Variants in CACNA2D1 observed in about 807,000 individuals in gnomAD.
The protein encoded by CACNA2D1 is calcium voltage-gated channel auxiliary subunit alpha2delta 1, also known as voltage-dependent calcium channel subunit alpha-2/delta-1.
A neutral mutation model predicts 171.5 loss-of-function variants in CACNA2D1; 53 were observed. That is an observed-to-expected ratio of 0.31 (90% CI 0.25 to 0.39). The LOEUF (loss-of-function observed/expected upper bound fraction) is 0.39, where lower values mean the gene tolerates loss of function less well. CACNA2D1 is among the 10% of genes least tolerant of loss of function. CACNA2D1 has a pLI of 1.00. For synonymous variants in CACNA2D1, 442 were observed against 443.1 expected (o/e 1.00, Z 0.03); for missense variants, 903 against 1,299.8 (o/e 0.69, Z 4.69).
intron 3 of CACNA2D1, among the ~76,000 whole-genome samples, chr7:82,298,500 T>C (rs1041304272): frequency 4.6e-5 from 7 of 152,184 alleles, no homozygotes; most frequent in Admixed American, 2.6e-4. Flanking sequence ...TGAATAAGTT[T>C]CCTTTCTTTA....
chr7:82,269,829 C>T (rs1281856610), intron 3 of CACNA2D1, among the ~76,000 whole-genome samples: 1 of 152,044 alleles, frequency 6.6e-6, no homozygotes, highest in Non-Finnish European at 1.5e-5. Flanking sequence ...TTTTCAAGCT[C>T]CAATTCACTT....
chr7:82,309,323 T>C (rs1201250612), intron 3 of CACNA2D1, among the ~76,000 whole-genome samples: 1 of 152,102 alleles, frequency 6.6e-6, no homozygotes, highest in Non-Finnish European at 1.5e-5. Flanking sequence ...GGAGAATTTC[T>C]TGAACCTGGG....
chr7:82,025,469 A>C (rs746793828), intron 12 of CACNA2D1, among the ~76,000 whole-genome samples: 1 of 151,730 alleles, frequency 6.6e-6, no homozygotes, highest in Non-Finnish European at 1.5e-5. Context: ...GTTAGAGTAT[A>C]GAAACACAAC....
At chr7:81,957,054 G>C (rs1006972280) in intron 38 of CACNA2D1, among the ~76,000 whole-genome samples, 1 of 152,040 alleles carries the variant, frequency 6.6e-6, no homozygotes, top group African/African-American at 2.4e-5. Context: ...AGTTATTTAA[G>C]TCAGATTTAT....
chr7:82,354,228 CA>C, intron 1 of CACNA2D1, among the ~76,000 whole-genome samples: 1 of 152,294 alleles, frequency 6.6e-6, no homozygotes, highest in Non-Finnish European at 1.5e-5. Flanking sequence ...TCCTGTGTCA[CA>C]TAAAATTTAA....
Position 82,036,670 on chromosome 7 carries a change from C to T in CACNA2D1, c.1038+1407G>A, listed in dbSNP as rs75673346. On this transcript the variant is annotated intron_variant, in intron 11 of 38. Coordinates refer to ENST00000356860, the MANE Select transcript of CACNA2D1 (RefSeq NM_000722.4). The stretch of plus-strand genomic sequence containing the variant: ...CCTGTTTACTTCTATAATTCCAGCA[C>T]CAGCACTATGACAGGAAATGGTGAT... Among the ~76,000 whole-genome samples, 243 of 152,148 alleles carry T rather than the reference C, an allele frequency of 1.6e-3. 4 individuals carry two copies. In the East Asian group the frequency reaches 0.018, roughly 11 times the overall value.
At chr7:82,027,152 T>C (rs1271493352) in intron 12 of CACNA2D1, among the ~76,000 whole-genome samples, 2 of 151,488 alleles carry the variant, frequency 1.3e-5, no homozygotes, top group South Asian at 2.1e-4. Flanking sequence ...AAGAGGGATA[T>C]AGTAAATAAT....
intron 2 of CACNA2D1, among the ~76,000 whole-genome samples, chr7:82,338,728 C>T (rs1372526487): frequency 1.3e-5 from 2 of 152,156 alleles, no homozygotes; most frequent in East Asian, 3.8e-4. Context: ...GGTAATGTGG[C>T]ATATTTAGGC....
At chr7:82,438,096 T>A (rs1830239972) in intron 1 of CACNA2D1, among the ~76,000 whole-genome samples, 1 of 152,182 alleles carries the variant, frequency 6.6e-6, no homozygotes, top group Non-Finnish European at 1.5e-5. Context: ...AACCCGTCTC[T>A]ATAGGACTTG....
At chr7:82,003,904 C>G (rs976493930) in intron 18 of CACNA2D1, among the ~76,000 whole-genome samples, 1 of 152,042 alleles carries the variant, frequency 6.6e-6, no homozygotes, top group Non-Finnish European at 1.5e-5. Flanking sequence ...TGCCACCACA[C>G]CCGGCTAATT....
At chr7:82,354,348 G>T (rs1820190486) in intron 1 of CACNA2D1, among the ~76,000 whole-genome samples, 1 of 152,038 alleles carries the variant, frequency 6.6e-6, no homozygotes. Flanking sequence ...CCTTTAAAAG[G>T]CTCCAGATAT....
intron 3 of CACNA2D1, among the ~76,000 whole-genome samples, chr7:82,306,180 T>C (rs60700196): frequency 0.35 from 52,737 of 151,932 alleles, 9,491 homozygotes; most frequent in Middle Eastern, 0.51. Flanking sequence ...TCCCTGAGAG[T>C]CTACCTTGTC....
chr7:81,959,198 C>G, intron 38 of CACNA2D1, 77 bp downstream of exon 38: 1 of 1,036,632 alleles, frequency 9.6e-7, no homozygotes, highest in Non-Finnish European at 1.5e-6. Flanking sequence ...GTTAAAATTG[C>G]AATTTGTATC....
At chr7:82,160,453 T>C (rs998626927) in intron 4 of CACNA2D1, among the ~76,000 whole-genome samples, 1 of 152,132 alleles carries the variant, frequency 6.6e-6, no homozygotes, top group Non-Finnish European at 1.5e-5. Context: ...ACTGTCAGAA[T>C]TTTTATTATT....
chr7:81,950,619 T>A, intron 38 of CACNA2D1, 111 bp from the exon 39 acceptor site: 1 of 1,429,974 alleles, frequency 7.0e-7, no homozygotes, highest in Non-Finnish European at 9.3e-7. Flanking sequence ...CTTTCTGAAC[T>A]TACCTTATAA....
intron 1 of CACNA2D1, among the ~76,000 whole-genome samples, chr7:82,393,029 G>GGA: frequency 4.9e-5 from 7 of 141,920 alleles, no homozygotes; most frequent in African/African-American, 1.9e-4. Context: ...GAGACAGAGA[G>GGA]AGAGGAAGGA....
At chr7:82,399,926 T>C (rs921334564) in intron 1 of CACNA2D1, among the ~76,000 whole-genome samples, 10 of 152,132 alleles carry the variant, frequency 6.6e-5, no homozygotes, top group African/African-American at 2.4e-4. Flanking sequence ...ACACATTCAT[T>C]TATTCAGCCA....
intron 6 of CACNA2D1, among the ~76,000 whole-genome samples, 182 bp from the exon 7 acceptor site, chr7:82,085,082 A>C (rs369716798): frequency 6.6e-6 from 1 of 152,210 alleles, no homozygotes; most frequent in East Asian, 1.9e-4. Context: ...TCTACTACCA[A>C]CATGTACATA....
chr7:82,348,815 C>A (rs577787716), intron 2 of CACNA2D1, among the ~76,000 whole-genome samples: 2 of 152,172 alleles, frequency 1.3e-5, no homozygotes, highest in East Asian at 3.9e-4. Flanking sequence ...ACTAACAACA[C>A]AAAATGAGAA....
Sources: allele counts gnomAD v4.1 joint callset (sites outside exome capture counted in the v4.1 genomes callset), GRCh38; gene constraint gnomAD v4.1.1; transcripts MANE v1.5; gene names NCBI Gene and HGNC (gene_info 2026-07-23, HGNC 2026-07-21).